The following NCKAP5 variants were observed in gnomAD, a reference collection of about 807,000 sequenced individuals.
NCKAP5 encodes the protein NCK associated protein 5.
A neutral mutation model predicts 167.0 loss-of-function variants in NCKAP5; 92 were observed. The observed-to-expected ratio is 0.55, with a 90% confidence interval of 0.47 to 0.66. The LOEUF (loss-of-function observed/expected upper bound fraction) is 0.66, where lower values mean the gene tolerates loss of function less well. NCKAP5 is among the 30% of genes least tolerant of loss of function. NCKAP5 has a pLI of 0.00. For synonymous variants in NCKAP5, 891 were observed against 877.4 expected, an observed-to-expected ratio of 1.02 and a Z score of -0.27; for missense variants, 2,378 against 2,315.0, an observed-to-expected ratio of 1.03 and a Z score of -0.56.
At chr2:132,938,606 T>C (rs1420165991) in intron 8 of NCKAP5, among the ~76,000 whole-genome samples, 1 of 152,158 alleles carries the variant, frequency 6.6e-6, no homozygotes, top group African/African-American at 2.4e-5. Context: ...TCTCTGTGTG[T>C]AAAGGGCCCC....
intron 3 of NCKAP5, among the ~76,000 whole-genome samples, chr2:133,445,777 G>A (rs1691154212): frequency 6.6e-6 from 1 of 152,132 alleles, no homozygotes; most frequent in African/African-American, 2.4e-5. Context: ...GGCACAGAGG[G>A]GAAGGGAAGC....
chr2:132,828,558 C>T (rs535889482), intron 11 of NCKAP5, among the ~76,000 whole-genome samples: 1 of 152,310 alleles, frequency 6.6e-6, no homozygotes, highest in South Asian at 2.1e-4. Flanking sequence ...ACTTCCTGTA[C>T]AGCCTGTGGA....
At chr2:133,370,639 C>A (rs1685741520) in intron 3 of NCKAP5, among the ~76,000 whole-genome samples, 1 of 150,992 alleles carries the variant, frequency 6.6e-6, no homozygotes, top group Non-Finnish European at 1.5e-5. Flanking sequence ...TAATAAAAAT[C>A]CTATTAATGT....
At chr2:133,594,173 C>G in the NCKAP5 span, among the ~76,000 whole-genome samples, 1 of 152,240 alleles carries the variant, frequency 6.6e-6, no homozygotes, top group Non-Finnish European at 1.5e-5. Flanking sequence ...GAGAGGCCAT[C>G]ATTGCAGCCG....
At chr2:133,250,287 C>T (rs1007216125) in intron 4 of NCKAP5, among the ~76,000 whole-genome samples, 1 of 152,138 alleles carries the variant, frequency 6.6e-6, no homozygotes, top group African/African-American at 2.4e-5. Flanking sequence ...CAGGTCTAGG[C>T]GAGCGGGGCA....
intron 5 of NCKAP5, among the ~76,000 whole-genome samples, chr2:133,144,471 A>G (rs1482727840): frequency 6.6e-6 from 1 of 152,150 alleles, no homozygotes; most frequent in Non-Finnish European, 1.5e-5. Context: ...TCCAAAATGC[A>G]TAAACTCCCT....
the NCKAP5 span, among the ~76,000 whole-genome samples, chr2:133,636,601 A>G: frequency 2.0e-5 from 3 of 152,234 alleles, no homozygotes; most frequent in Non-Finnish European, 1.5e-5. Context: ...ATAAAACACA[A>G]CAAACATCCT....
At chr2:133,662,212 G>C in the NCKAP5 span, among the ~76,000 whole-genome samples, 1 of 152,184 alleles carries the variant, frequency 6.6e-6, no homozygotes, top group South Asian at 2.1e-4. Flanking sequence ...AAATTACTTT[G>C]CATGGGTTGA....
chr2:133,437,339 C>T (rs1489359595), intron 3 of NCKAP5, among the ~76,000 whole-genome samples: 1 of 145,456 alleles, frequency 6.9e-6, no homozygotes, highest in Admixed American at 6.8e-5. Context: ...GGTGACAGTG[C>T]GAGACTCTGT....
chr2:133,516,411 T>C (rs1363454058), intron 3 of NCKAP5, among the ~76,000 whole-genome samples: 1 of 152,186 alleles, frequency 6.6e-6, no homozygotes, highest in African/African-American at 2.4e-5. Flanking sequence ...AAAGGTATGC[T>C]GGTCAATGCA....
chr2:132,701,342 A>C (rs1687866541), intron 19 of NCKAP5, among the ~76,000 whole-genome samples: 1 of 152,136 alleles, frequency 6.6e-6, no homozygotes, highest in Non-Finnish European at 1.5e-5. Flanking sequence ...TGTTTTACTT[A>C]TTTGGTCTCT....
chr2:132,899,282 C>A (rs1316788014), intron 8 of NCKAP5, among the ~76,000 whole-genome samples: 1 of 152,238 alleles, frequency 6.6e-6, no homozygotes, highest in East Asian at 1.9e-4. Flanking sequence ...CCTCTCTCAG[C>A]CTTCATAGAA....
intron 3 of NCKAP5, among the ~76,000 whole-genome samples, chr2:133,465,407 A>C (rs1477606219): frequency 1.3e-5 from 2 of 151,582 alleles, no homozygotes; most frequent in African/African-American, 4.9e-5. Flanking sequence ...CCAGTCTATC[A>C]TTGTTGGACA....
intron 3 of NCKAP5, among the ~76,000 whole-genome samples, chr2:133,326,222 G>A (rs1311743968): frequency 1.3e-5 from 2 of 152,130 alleles, no homozygotes; most frequent in South Asian, 2.1e-4. Context: ...TTGGGAGGCC[G>A]AGGCAGGCGG....
intron 3 of NCKAP5, among the ~76,000 whole-genome samples, chr2:133,474,112 A>ATATATATC (rs1553649113): frequency 7.3e-5 from 10 of 137,858 alleles, no homozygotes; most frequent in African/African-American, 3.0e-4. Flanking sequence ...AGAAAATGTG[A>ATATATATC]TATCTATCTA....
Position 132,782,462 on chromosome 2 carries a change from C to T in NCKAP5, c.4349G>A (p.Arg1450Lys). The T allele has an allele frequency of 6.2e-7, 1 of 1,613,032 alleles. No individual in the cohort carries two copies. Among genetic ancestry groups the T allele is most frequent in the Non-Finnish European group, 8.5e-7 (1 of 1,179,594 alleles). The change falls in exon 14 of 20, where the codon AGG becomes AAG. Residue 1450 changes from arginine (R) to lysine (K), a missense_variant. Arg to Lys is a conservative substitution (Grantham distance 26). Transcript: ENST00000409261. ...CGCGGTTGCAGAGGCATCTGGATGC[C>T]TTCCAGAAGTTTCTAGCTTGGATGT... ...SSTSKLETSG[R>K]HPDASATATD...
chr2:132,756,021 TGAGGAATTGGGGCTCAAA>T (rs1226149522), intron 16 of NCKAP5, among the ~76,000 whole-genome samples: 1 of 152,038 alleles, frequency 6.6e-6, no homozygotes, highest in Non-Finnish European at 1.5e-5. Context: ...ATTTGGCAGA[TGAGGAATTGGGGCTCAAA>T]GAGGTTCAGG....
At chr2:133,411,744 T>A (rs991481969) in intron 3 of NCKAP5, among the ~76,000 whole-genome samples, 3 of 152,280 alleles carry the variant, frequency 2.0e-5, no homozygotes, top group African/African-American at 7.2e-5. Flanking sequence ...AAGGGTGGCA[T>A]AAGCCCAACA....
chr2:132,902,837 CATA>C (rs1366310005), intron 8 of NCKAP5, among the ~76,000 whole-genome samples: 1 of 152,158 alleles, frequency 6.6e-6, no homozygotes, highest in Non-Finnish European at 1.5e-5. Context: ...TGCTCATCCC[CATA>C]ATATTACTGA....
Sources: allele counts gnomAD v4.1 joint callset (sites outside exome capture counted in the v4.1 genomes callset), GRCh38; gene constraint gnomAD v4.1.1; transcripts MANE v1.5; gene names NCBI Gene and HGNC (gene_info 2026-07-23, HGNC 2026-07-21).